Variants in EYS observed in about 807,000 individuals in gnomAD.
EYS encodes the protein protein eyes shut homolog.
Under a neutral mutation model 282.1 loss-of-function variants are expected in EYS, and 250 were observed. That is an observed-to-expected ratio of 0.89 (90% CI 0.80 to 0.98). The LOEUF (loss-of-function observed/expected upper bound fraction) is 0.98, where lower values mean the gene tolerates loss of function less well. EYS is among the 50% of genes least tolerant of loss of function. The pLI is 0.00. For synonymous variants in EYS, 1,355 were observed against 1,282.9 expected (o/e 1.06, Z -1.20); for missense variants, 4,016 against 3,709.0 (o/e 1.08, Z -2.15).
intron 22 of EYS, among the ~76,000 whole-genome samples, chr6:64,756,878 A>G (rs552024668): frequency 2.7e-5 from 4 of 146,232 alleles, no homozygotes; most frequent in Admixed American, 2.1e-4. Flanking sequence ...AATACAAAGC[A>G]TCAGTGCTTT....
At chr6:65,447,971 G>A (rs2150399537) in intron 5 of EYS, among the ~76,000 whole-genome samples, 1 of 152,150 alleles carries the variant, frequency 6.6e-6, no homozygotes, top group Non-Finnish European at 1.5e-5. Flanking sequence ...TGTAGTGTGT[G>A]AATTAGAATG....
chr6:64,715,048 C>G (rs1487855790), intron 22 of EYS, among the ~76,000 whole-genome samples: 2 of 150,436 alleles, frequency 1.3e-5, no homozygotes, highest in Admixed American at 1.3e-4. Flanking sequence ...TTTTTTGGCA[C>G]CAGGGACCAG....
rs60974312 is a variant in EYS at position 64,786,188 on chromosome 6, A to ATT, written c.3443+27188_3443+27189dup. Among the ~76,000 whole-genome samples the ATT allele has an allele frequency of 2.6e-3, 363 of 141,516 alleles. 8 individuals carry two copies. The highest frequency in any genetic ancestry group is 5.9e-3 in the Admixed American group (85 of 14,394). The allele number at this position is 141,516 out of a possible 152,430, so 92.8% of individuals were successfully genotyped here. On this transcript the variant is annotated intron_variant, in intron 22 of 42. Transcript: ENST00000503581. The stretch of plus-strand genomic sequence containing the variant: ...ACTTGGTAGTCTTTACTGGTTCTAC[A>ATT]TTTTTTTTTTTTTTTTTGGTTTTAA...
At chr6:65,579,756 C>T (rs1404244813) in intron 2 of EYS, among the ~76,000 whole-genome samples, 4 of 152,080 alleles carry the variant, frequency 2.6e-5, no homozygotes, top group Non-Finnish European at 2.9e-5. Flanking sequence ...AAAGCCCTAT[C>T]TCCAAATATA....
chr6:64,021,584 G>C (rs548173946), intron 33 of EYS, among the ~76,000 whole-genome samples: 1 of 152,146 alleles, frequency 6.6e-6, no homozygotes, highest in African/African-American at 2.4e-5. Context: ...CTTGTTATAA[G>C]TAGGAGGAAC....
intron 26 of EYS, among the ~76,000 whole-genome samples, chr6:64,497,839 G>A (rs759859509): frequency 1.3e-5 from 2 of 152,062 alleles, no homozygotes; most frequent in Non-Finnish European, 2.9e-5. Flanking sequence ...GAAGGAAGAA[G>A]AAAGATGAAT....
At chr6:65,331,456 C>A in intron 11 of EYS, 1 of 829,444 alleles carries the variant, frequency 1.2e-6, no homozygotes, top group Non-Finnish European at 1.5e-6. Context: ...GATATTGCAA[C>A]TGATATAGAG....
At chr6:65,200,692 G>A (rs1420075036) in intron 12 of EYS, among the ~76,000 whole-genome samples, 1 of 148,064 alleles carries the variant, frequency 6.8e-6, no homozygotes, top group Non-Finnish European at 1.5e-5. Flanking sequence ...TTTCATTTGA[G>A]TATTGTCATC....
intron 12 of EYS, among the ~76,000 whole-genome samples, chr6:65,232,566 G>A (rs562243759): frequency 4.6e-5 from 7 of 152,046 alleles, no homozygotes; most frequent in East Asian, 1.9e-4. Flanking sequence ...AGATTGCACC[G>A]AGTTCCCATA....
At chr6:64,156,016 ATGTT>A (rs1774905398) in intron 31 of EYS, among the ~76,000 whole-genome samples, 4 of 146,980 alleles carry the variant, frequency 2.7e-5, no homozygotes, top group African/African-American at 1.0e-4. Context: ...GTATGTGTGT[ATGTT>A]TATGTGTGTG....
intron 35 of EYS, among the ~76,000 whole-genome samples, chr6:63,884,067 C>A (rs1423698344): frequency 6.6e-6 from 1 of 152,118 alleles, no homozygotes; most frequent in Non-Finnish European, 1.5e-5. Flanking sequence ...AGAGCACAAC[C>A]CTTACTATGC....
At chr6:64,981,546 AT>A (rs141196827) in intron 14 of EYS, among the ~76,000 whole-genome samples, 5,963 of 151,262 alleles carry the variant, frequency 0.039, 179 homozygotes, top group Non-Finnish European at 0.062. Flanking sequence ...TTCTCTTACT[AT>A]ACCCATATAT....
chr6:64,406,569 A>G (rs1773717415), intron 28 of EYS, among the ~76,000 whole-genome samples: 1 of 152,242 alleles, frequency 6.6e-6, no homozygotes, highest in Non-Finnish European at 1.5e-5. Context: ...TCCATCTGAC[A>G]AAGGGCTAAT....
At chr6:65,677,056 C>T (rs193099642) in intron 1 of EYS, among the ~76,000 whole-genome samples, 607 of 132,334 alleles carry the variant, frequency 4.6e-3, no homozygotes, top group African/African-American at 0.01. Flanking sequence ...AATCTCAACA[C>T]GATGAAGGTA....
intron 14 of EYS, among the ~76,000 whole-genome samples, chr6:64,968,373 A>AT (rs1770172068): frequency 6.6e-6 from 1 of 152,150 alleles, no homozygotes; most frequent in African/African-American, 2.4e-5. Flanking sequence ...TTAAAAAATA[A>AT]TTTTGCTGAT....
intron 13 of EYS, among the ~76,000 whole-genome samples, chr6:65,014,491 T>G (rs1005145857): frequency 1.3e-5 from 2 of 152,152 alleles, no homozygotes; most frequent in East Asian, 3.9e-4. Flanking sequence ...AGGTGATATT[T>G]GGAGTGAGCC....
chr6:65,006,248 A>G (rs9360109), intron 13 of EYS, among the ~76,000 whole-genome samples: 10,219 of 151,788 alleles, frequency 0.067, 436 homozygotes, highest in East Asian at 0.13. Context: ...AAAGAAAAAG[A>G]TATTAATAGT....
At position 64,802,037 on chromosome 6, in the gene EYS, T is replaced by TTTTTTTTTTTTTTTTTTTTTTTTG. The variant is rs1764256566; in HGVS notation, c.3443+11340_3443+11341insCAAAAAAAAAAAAAAAAAAAAAAA. Among the ~76,000 whole-genome samples the TTTTTTTTTTTTTTTTTTTTTTTTG allele has an allele frequency of 1.6e-5, 2 of 128,744 alleles. 1 individual carries two copies. Among genetic ancestry groups the TTTTTTTTTTTTTTTTTTTTTTTTG allele is most frequent in the Non-Finnish European group, 3.3e-5 (2 of 59,808 alleles). The allele number at this position is 128,744 out of a possible 152,430, so 84.5% of individuals were successfully genotyped here. A position where few individuals can be genotyped will look rare whatever the true frequency, so the allele number is the denominator to read the frequency against. On this transcript the variant is annotated intron_variant, in intron 22 of 42. Transcript: ENST00000503581. ...AATTTCTTTTTCTTTTTTTTTCTTT[T>TTTTTTTTTTTTTTTTTTTTTTTTG]TTTTTTTTTTTTTTGAGACGGAGTC...
chr6:64,027,239 G>GA lies in EYS; in HGVS notation c.6726-28057dup, dbSNP rs1171827372. 4.6e-5 allele frequency among the ~76,000 whole-genome samples: 7 copies of GA among 152,066 alleles called. No homozygotes were observed. The East Asian group carries it at 1.2e-3, about 25-fold the overall frequency. On this transcript the variant is annotated intron_variant, in intron 33 of 42. Coordinates refer to ENST00000503581, the MANE Select transcript of EYS (RefSeq NM_001142800.2). ...GTTCTAGAAGGACTAAGGAGAATTAGAAAAAAGACCATGAATTATTCAATA... is the reference window on the plus strand; with the variant it reads ...GTTCTAGAAGGACTAAGGAGAATTAGAAAAAAAGACCATGAATTATTCAATA...
Sources: allele counts gnomAD v4.1 joint callset (sites outside exome capture counted in the v4.1 genomes callset), GRCh38; gene constraint gnomAD v4.1.1; transcripts MANE v1.5; gene names NCBI Gene and HGNC (gene_info 2026-07-23, HGNC 2026-07-21).